The following PI4K2B variants were observed in gnomAD, a reference collection of about 807,000 sequenced individuals.
PI4K2B encodes phosphatidylinositol 4-kinase type 2-beta.
PI4K2B carries 46 observed loss-of-function variants against 56.6 expected under a neutral mutation model. That is an observed-to-expected ratio of 0.81 (90% CI 0.64 to 1.04). The LOEUF is 1.04. Among genes scored for constraint, PI4K2B ranks in the 50% least tolerant of loss-of-function variants. The probability of loss-of-function intolerance (pLI) is 0.00; values close to 1 mark genes in which losing one functional copy is unlikely to be tolerated. For missense variants in PI4K2B, 556 were observed against 607.7 expected (o/e 0.91, Z 0.89); for synonymous variants, 211 against 223.8 (o/e 0.94, Z 0.51).
At chr4:25,257,475 A>T (rs746823840) in intron 4 of PI4K2B, among the ~76,000 whole-genome samples, 4 of 152,180 alleles carry the variant, frequency 2.6e-5, no homozygotes, top group African/African-American at 4.8e-5. Context: ...GTACATAGTA[A>T]AGGTTAAGTA....
At chr4:25,260,410 A>G (rs180899181) in intron 5 of PI4K2B, 114 bp from the exon 6 acceptor site, 4 of 441,830 alleles carry the variant, frequency 9.1e-6, no homozygotes, top group African/African-American at 6.3e-5. Context: ...TTAATATGCT[A>G]CAGATAACCA....
intron 9 of PI4K2B, among the ~76,000 whole-genome samples, chr4:25,272,509 A>G (rs1026556442): frequency 6.6e-6 from 1 of 152,078 alleles, no homozygotes; most frequent in African/African-American, 2.4e-5. Context: ...TTTAAAAAAA[A>G]GTTGGTCTAA....
At chr4:25,261,262 T>G (rs1716467985) in intron 6 of PI4K2B, among the ~76,000 whole-genome samples, 1 of 152,148 alleles carries the variant, frequency 6.6e-6, no homozygotes, top group Non-Finnish European at 1.5e-5. Context: ...CATGTGTGCT[T>G]AACCTGTGAA....
In PI4K2B at chr4:25,269,146, T is replaced by C. The variant is rs1292426115; in HGVS notation, c.1215T>C (p.Thr405=). 3.2e-6 allele frequency: 5 copies of C among 1,558,058 alleles called. No individual in the cohort carries two copies. Among genetic ancestry groups the C allele is most frequent in the Non-Finnish European group, 3.5e-6 (4 of 1,130,866 alleles). The change falls in exon 9 of 10, where the codon ACT becomes ACC. Residue 405 remains threonine, a splice_region_variant and synonymous_variant. Transcript: ENST00000264864. ...LCEDLYELFK[T]DKGFDKATFE... is the part of the protein sequence containing the mutation. ...TGTTTTTTTCCTTTCTATAATAGAC[T>C]GACAAAGGATTTGACAAAGCCACTT...
In PI4K2B at chr4:25,277,158, T is replaced by C. The variant is rs765176136; in HGVS notation, c.1417T>C (p.Cys473Arg). 3 of 1,613,212 alleles carry C rather than the reference T, an allele frequency of 1.9e-6. No homozygotes were observed. Among genetic ancestry groups the C allele is most frequent in the Non-Finnish European group, 1.7e-6 (2 of 1,179,346 alleles). ...CAATTCCTTTACCCAGACTGTCAAT[T>C]GCAGGAAGCCATTTTTTTCCTCCTG... ...LSNSFTQTVNCRKPFFSSW is the reference protein window; with the variant it reads ...LSNSFTQTVNRRKPFFSSW The change falls in exon 10 of 10, where the codon TGC becomes CGC. Residue 473 changes from cysteine to arginine, a missense_variant. Cys to Arg is a radical substitution (Grantham distance 180, BLOSUM62 -3). Transcript: ENST00000264864.
intron 3 of PI4K2B, among the ~76,000 whole-genome samples, chr4:25,256,037 G>A (rs1363461245): frequency 6.6e-6 from 1 of 152,166 alleles, no homozygotes; most frequent in Non-Finnish European, 1.5e-5. Context: ...TCCCACCTCA[G>A]CCTCCTGAGT....
chr4:25,244,214 G>T (rs1257380268), intron 1 of PI4K2B, among the ~76,000 whole-genome samples: 1 of 152,076 alleles, frequency 6.6e-6, no homozygotes, highest in South Asian at 2.1e-4. Context: ...ACAGCTTGAA[G>T]GGGACATAAC....
chr4:25,267,887 T>A, intron 7 of PI4K2B: 3 of 983,624 alleles, frequency 3.0e-6, no homozygotes, highest in Non-Finnish European at 3.6e-6. Context: ...CAATTTCTGA[T>A]GATTTGTAGC....
intron 5 of PI4K2B, among the ~76,000 whole-genome samples, chr4:25,259,891 G>A (rs549803087): frequency 6.6e-6 from 1 of 152,156 alleles, no homozygotes; most frequent in East Asian, 1.9e-4. Flanking sequence ...TCAGCATTAC[G>A]TGAGAATTTG....
chr4:25,234,526 G>C, intron 1 of PI4K2B, 95 bp downstream of exon 1: 2 of 901,156 alleles, frequency 2.2e-6, no homozygotes, highest in Non-Finnish European at 2.9e-6. Context: ...TGGCCGAGGT[G>C]GACGGGCTTT....
At chr4:25,273,627 G>T (rs548141877) in intron 9 of PI4K2B, among the ~76,000 whole-genome samples, 79 of 152,278 alleles carry the variant, frequency 5.2e-4, no homozygotes, top group African/African-American at 1.9e-3. Context: ...TGGCCAATCG[G>T]CAACATTTAG....
Position 25,234,390 on chromosome 4 carries a change from G to T in PI4K2B, c.227G>T (p.Ser76Ile). ...CCCGGGGACGTGGGGGTCTCCCGGAGTTCGTCCGCCGAGCTGGACCGGAGC... is the reference window on the plus strand; with the variant it reads ...CCCGGGGACGTGGGGGTCTCCCGGATTTCGTCCGCCGAGCTGGACCGGAGC... ...LPPGDVGVSR[S>I]SSAELDRSRP... Residue 76 changes from serine (S) to isoleucine (I), a missense_variant, in exon 1 of 10, where the codon AGT becomes ATT. By Grantham distance (142) the Ser-to-Ile change is moderately radical (BLOSUM62 -2). Transcript: ENST00000264864. 7 of 1,398,840 alleles carry T rather than the reference G, an allele frequency of 5.0e-6. No homozygotes were observed. The highest frequency in any genetic ancestry group is 6.5e-6 in the Non-Finnish European group (7 of 1,075,954). The allele number at this position is 1,398,840 out of a possible 1,614,324, so 86.7% of individuals were successfully genotyped here. A position where few individuals can be genotyped will look rare whatever the true frequency, so the allele number is the denominator to read the frequency against.
intron 9 of PI4K2B, among the ~76,000 whole-genome samples, chr4:25,275,882 T>C (rs1193644706): frequency 3.9e-5 from 6 of 152,188 alleles, no homozygotes; most frequent in East Asian, 1.9e-4. Context: ...GGCAGGAGGA[T>C]TGCATGAGCC....
chr4:25,234,056 G>C lies in PI4K2B; in HGVS notation c.-108G>C, dbSNP rs1191294610. The C allele has an allele frequency of 3.1e-6, 3 of 970,170 alleles. No homozygotes were observed. The highest frequency in any genetic ancestry group is 4.0e-6 in the Non-Finnish European group (3 of 749,204). The allele number at this position is 970,170 out of a possible 1,614,324, so 60.1% of individuals were successfully genotyped here. On this transcript the variant is annotated 5_prime_UTR_variant, in exon 1 of 10. Coordinates refer to ENST00000264864, the MANE Select transcript of PI4K2B (RefSeq NM_018323.4). Reference sequence around the variant, plus strand: ...CCAAGCGTGCCCGTGCGCTGGTGAGGTGGCGTCCGTTCTACCCGGTCGCTC... The same window carrying C: ...CCAAGCGTGCCCGTGCGCTGGTGAGCTGGCGTCCGTTCTACCCGGTCGCTC...
intron 7 of PI4K2B, among the ~76,000 whole-genome samples, chr4:25,264,674 C>T (rs1057233917): frequency 2.0e-5 from 3 of 151,924 alleles, no homozygotes; most frequent in Non-Finnish European, 4.4e-5. Flanking sequence ...AGTCCAAGAC[C>T]AGCCTGGGCA....
chr4:25,261,349 A>C (rs1209403989), intron 6 of PI4K2B, among the ~76,000 whole-genome samples: 2 of 152,198 alleles, frequency 1.3e-5, no homozygotes, highest in African/African-American at 4.8e-5. Flanking sequence ...TATATAATAG[A>C]CTGCATAGAG....
chr4:25,258,999 T>C lies in PI4K2B; in HGVS notation c.757-38T>C, dbSNP rs200237081. ...ATATAAATATTAATCCCCTTGTTCTTGTACTTTCTTTTCTAACTATAGTTC... is the reference window on the plus strand; with the variant it reads ...ATATAAATATTAATCCCCTTGTTCTCGTACTTTCTTTTCTAACTATAGTTC... On this transcript the variant is annotated intron_variant, in intron 4 of 9. Coordinates refer to ENST00000264864, the MANE Select transcript of PI4K2B (RefSeq NM_018323.4). 788 of 1,091,562 alleles carry C rather than the reference T, an allele frequency of 7.2e-4. 3 individuals carry two copies. In the African/African-American group the frequency reaches 0.011, roughly 15 times the overall value. The allele number at this position is 1,091,562 out of a possible 1,614,324, so 67.6% of individuals were successfully genotyped here. A position where few individuals can be genotyped will look rare whatever the true frequency, so the allele number is the denominator to read the frequency against.
intron 9 of PI4K2B, among the ~76,000 whole-genome samples, chr4:25,276,091 G>A (rs997184888): frequency 2.6e-5 from 4 of 152,140 alleles, no homozygotes; most frequent in Admixed American, 2.0e-4. Flanking sequence ...GAAATGCATA[G>A]GATGTATATA....
chr4:25,250,632 A>G (rs1716012791), intron 1 of PI4K2B: 1 of 152,216 alleles, frequency 6.6e-6, no homozygotes, highest in South Asian at 2.1e-4. Context: ...CTGTACAACA[A>G]ACCCCCAAGA....
Sources: allele counts gnomAD v4.1 joint callset (sites outside exome capture counted in the v4.1 genomes callset), GRCh38; gene constraint gnomAD v4.1.1; transcripts MANE v1.5; gene names NCBI Gene and HGNC (gene_info 2026-07-23, HGNC 2026-07-21).